Variants in DYRK1A observed in about 807,000 individuals in gnomAD.
The protein encoded by DYRK1A is dual specificity tyrosine-phosphorylation-regulated kinase 1A.
In DYRK1A, 9 loss-of-function variants were observed where a neutral mutation model predicts 79.7. The observed-to-expected ratio is 0.11, with a 90% CI of 0.07 to 0.20. The LOEUF is 0.20. Ranked by LOEUF, DYRK1A falls within the 10% of genes least tolerant of loss-of-function variation. The pLI is 1.00. For synonymous variants in DYRK1A, 349 were observed against 329.7 expected (o/e 1.06, Z -0.63); for missense variants, 622 against 956.0 (o/e 0.65, Z 4.61).
At chr21:37,471,999 A>G (rs769805467) in intron 2 of DYRK1A, among the ~76,000 whole-genome samples, 24 of 152,168 alleles carry the variant, frequency 1.6e-4, no homozygotes, top group Non-Finnish European at 2.6e-4. Context: ...CATTTCCACC[A>G]TGGATATCAT....
chr21:37,417,535 T>TTTTTCTTTTTCTTTTTCTTTTTC (rs1569304612), intron 1 of DYRK1A, among the ~76,000 whole-genome samples: 1 of 35,190 alleles, frequency 2.8e-5, no homozygotes, highest in African/African-American at 9.2e-5. Context: ...TTTTCTTTTT[T>TTTTTCTTTTTCTTTTTCTTTTTC]TTTTTTTTTT....
At chr21:37,456,430 T>G (rs1411969337) in intron 2 of DYRK1A, 1 of 152,198 alleles carries the variant, frequency 6.6e-6, no homozygotes, top group African/African-American at 2.4e-5. Flanking sequence ...TTCCTGGACT[T>G]CTTACTTAAT....
intron 1 of DYRK1A, among the ~76,000 whole-genome samples, chr21:37,396,860 C>G (rs2835711): frequency 0.55 from 84,305 of 151,954 alleles, 24,141 homozygotes; most frequent in African/African-American, 0.7. Context: ...TTGAGCCACT[C>G]TAACAGTTCC....
Position 37,490,575 on chromosome 21 carries a change from TGTTTTTGCAGTG to T in DYRK1A, c.924+116_924+127del. The T allele has an allele frequency of 8.9e-6, 6 of 675,902 alleles. 1 individual carries two copies. The highest frequency in any genetic ancestry group is 1.5e-4 in the South Asian group (2 of 13,740). 41.9% of individuals were successfully genotyped at this position (675,902 alleles called of 1,614,324 possible). A position where few individuals can be genotyped will look rare whatever the true frequency, so the allele number is the denominator to read the frequency against. On this transcript the variant is annotated intron_variant, in intron 7 of 11. Coordinates refer to ENST00000647188, the MANE Select transcript of DYRK1A (RefSeq NM_001347721.2). The stretch of plus-strand genomic sequence containing the variant: ...TTGCGGTTTTCGCCATTGCAGTTGC[TGTTTTTGCAGTG>T]GCAAAAACCGCAATTACTTTTGCGC...
In DYRK1A at chr21:37,519,593, C is replaced by T. The variant is rs1022993411; in HGVS notation, c.*7062C>T. 1 of 152,084 alleles carries T rather than the reference C, an allele frequency of 6.6e-6. No homozygotes were observed. The highest frequency in any genetic ancestry group is 1.5e-5 in the Non-Finnish European group (1 of 68,024). The allele number at this position is 152,084 out of a possible 1,614,324, so 9.4% of individuals were successfully genotyped here. The stretch of plus-strand genomic sequence containing the variant: ...GGGAAATGAGGTGGACAGTGTTCTC[C>T]GTGGAGGGCTAAACAGCATTGCTTT... On this transcript the variant is annotated 3_prime_UTR_variant, in exon 12 of 12. Coordinates refer to ENST00000647188, the MANE Select transcript of DYRK1A (RefSeq NM_001347721.2).
intron 3 of DYRK1A, 71 bp from the exon 4 acceptor site, chr21:37,478,137 T>C: frequency 2.5e-6 from 4 of 1,597,656 alleles, no homozygotes; most frequent in Non-Finnish European, 3.4e-6. Context: ...AAGAGGGAAT[T>C]TATATCTTAT....
chr21:37,480,545 T>C (rs1354031445), intron 4 of DYRK1A, 93 bp from the exon 5 acceptor site: 11 of 964,366 alleles, frequency 1.1e-5, no homozygotes, highest in African/African-American at 1.7e-5. Context: ...AAATGTCAAC[T>C]GTAGAAAATA....
At chr21:37,472,589 C>A in intron 2 of DYRK1A, 95 bp from the exon 3 acceptor site, 1 of 1,105,656 alleles carries the variant, frequency 9.0e-7, no homozygotes, top group South Asian at 2.2e-5. Flanking sequence ...TATTGAATAT[C>A]CTAAAGTTCT....
At chr21:37,404,531 C>T (rs1289447005) in intron 1 of DYRK1A, among the ~76,000 whole-genome samples, 2 of 152,152 alleles carry the variant, frequency 1.3e-5, no homozygotes, top group Non-Finnish European at 2.9e-5. Flanking sequence ...CTCTCTGGCA[C>T]ATGGTTTCAG....
In DYRK1A at chr21:37,378,938, A is replaced by G. The variant is rs139523335; in HGVS notation, c.-77+11310A>G. On this transcript the variant is annotated intron_variant, in intron 1 of 11. Coordinates refer to ENST00000647188, the MANE Select transcript of DYRK1A (RefSeq NM_001347721.2). The stretch of plus-strand genomic sequence containing the variant: ...TGAAGAGTGGATGGATGGGCTTTTT[A>G]TGGTGGAACCTGAGGACTTGACAGT... 8.5e-5 allele frequency among the ~76,000 whole-genome samples: 13 copies of G among 152,246 alleles called. No individual in the cohort carries two copies. In the East Asian group the frequency reaches 2.5e-3, roughly 29 times the overall value.
At chr21:37,388,455 T>G (rs986499198) in intron 1 of DYRK1A, among the ~76,000 whole-genome samples, 1 of 152,206 alleles carries the variant, frequency 6.6e-6, no homozygotes, top group African/African-American at 2.4e-5. Flanking sequence ...TGTGTATCTG[T>G]AAAAGATAAG....
intron 3 of DYRK1A, among the ~76,000 whole-genome samples, chr21:37,473,597 G>A (rs1474733111): frequency 6.6e-6 from 1 of 152,166 alleles, no homozygotes. Context: ...GAAAATGGCT[G>A]CTTTTCCATG....
At chr21:37,487,241 A>G (rs1442014139) in intron 6 of DYRK1A, 1 of 152,168 alleles carries the variant, frequency 6.6e-6, no homozygotes, top group African/African-American at 2.4e-5. Context: ...CCCCATACCC[A>G]GGGTCATAGG....
chr21:37,515,309 A>C lies in DYRK1A; in HGVS notation c.*2778A>C, dbSNP rs1213246006. The C allele has an allele frequency of 6.5e-6, 1 of 152,672 alleles. No individual in the cohort carries two copies. The highest frequency in any genetic ancestry group is 1.5e-5 in the Non-Finnish European group (1 of 68,050). The allele number at this position is 152,672 out of a possible 1,614,324, so 9.5% of individuals were successfully genotyped here. A position where few individuals can be genotyped will look rare whatever the true frequency, so the allele number is the denominator to read the frequency against. On this transcript the variant is annotated 3_prime_UTR_variant, in exon 12 of 12. Coordinates refer to ENST00000647188, the MANE Select transcript of DYRK1A (RefSeq NM_001347721.2). ...AAGTTGAGTTAAATGTGTAAAAAGGAAACTATTTGAGATACATTGACATAG... is the reference window on the plus strand; with the variant it reads ...AAGTTGAGTTAAATGTGTAAAAAGGCAACTATTTGAGATACATTGACATAG...
chr21:37,509,468 C>G (rs1225719641), intron 11 of DYRK1A, among the ~76,000 whole-genome samples: 2 of 152,140 alleles, frequency 1.3e-5, no homozygotes, highest in Admixed American at 1.3e-4. Context: ...ATTTTTAGAG[C>G]TAGGGTCTTG....
rs1052680917 is a variant in DYRK1A at position 37,513,571 on chromosome 21, T to G, written c.*1040T>G. On this transcript the variant is annotated 3_prime_UTR_variant, in exon 12 of 12. Transcript: ENST00000647188. ...TGTGTCATAAAGTTGACTTCCTTAT[T>G]GGTTGAAGGTCACAGAAGTAGTGGT... 3.3e-5 allele frequency: 5 copies of G among 152,666 alleles called. No homozygotes were observed. Among genetic ancestry groups the G allele is most frequent in the Non-Finnish European group, 7.3e-5 (5 of 68,046 alleles). The allele number at this position is 152,666 out of a possible 1,614,324, so 9.5% of individuals were successfully genotyped here.
At chr21:37,423,009 A>G (rs2050518072) in intron 2 of DYRK1A, among the ~76,000 whole-genome samples, 1 of 151,382 alleles carries the variant, frequency 6.6e-6, no homozygotes, top group African/African-American at 2.5e-5. Context: ...GTTAACAAAC[A>G]TTTATTTGGT....
chr21:37,377,727 C>G (rs80061445), intron 1 of DYRK1A, among the ~76,000 whole-genome samples: 6,027 of 152,308 alleles, frequency 0.04, 429 homozygotes, highest in African/African-American at 0.14. Flanking sequence ...CTTGTCCTCT[C>G]ACAGTGCAGC....
chr21:37,431,537 C>A (rs2050775621), intron 2 of DYRK1A, among the ~76,000 whole-genome samples: 1 of 152,144 alleles, frequency 6.6e-6, no homozygotes, highest in Admixed American at 6.5e-5. Context: ...CTGTCCTTGA[C>A]CTTGTTCCAC....
Sources: gnomAD v4.1 joint callset for allele counts (sites outside exome capture counted in the v4.1 genomes callset) on GRCh38, gnomAD v4.1.1 for gene constraint, MANE v1.5 for transcripts, NCBI Gene and HGNC (gene_info 2026-07-23, HGNC 2026-07-21) for gene names.